The following SPATA17 variants were observed in gnomAD, a reference collection of about 807,000 sequenced individuals.
SPATA17 encodes the protein spermatogenesis-associated protein 17.
SPATA17 carries 53 observed loss-of-function variants against 62.2 expected under a neutral mutation model. The ratio of observed to expected loss-of-function variants is 0.85; its 90% confidence interval spans 0.68 to 1.07. The LOEUF (loss-of-function observed/expected upper bound fraction) is 1.07, where lower values mean the gene tolerates loss of function less well. SPATA17 is among the 50% of genes least tolerant of loss of function. The pLI is 0.00. For synonymous variants in SPATA17, 146 were observed against 146.8 expected (o/e 0.99, Z 0.04); for missense variants, 466 against 425.5 (o/e 1.10, Z -0.84).
intron 9 of SPATA17, among the ~76,000 whole-genome samples, chr1:217,816,284 A>G (rs1674714968): frequency 6.6e-6 from 1 of 151,886 alleles, no homozygotes; most frequent in Non-Finnish European, 1.5e-5. Flanking sequence ...TTGGCTAAGC[A>G]TATTTCTAAT....
chr1:217,631,693 T>C (rs1469810251), intron 1 of SPATA17, among the ~76,000 whole-genome samples: 5 of 152,076 alleles, frequency 3.3e-5, no homozygotes, highest in African/African-American at 1.2e-4. Flanking sequence ...TAGATAAAAT[T>C]GTAAAGTGCT....
At chr1:217,783,370 G>C (rs1031051041) in intron 8 of SPATA17, among the ~76,000 whole-genome samples, 2 of 151,824 alleles carry the variant, frequency 1.3e-5, no homozygotes, top group Admixed American at 6.6e-5. Flanking sequence ...GGCATCTCAA[G>C]TAATTTTTAT....
chr1:217,850,367 C>T, intron 9 of SPATA17: 1 of 810,242 alleles, frequency 1.2e-6, no homozygotes, highest in East Asian at 2.8e-5. Flanking sequence ...AGTGTAATGC[C>T]ATCACTGAGC....
intron 9 of SPATA17, among the ~76,000 whole-genome samples, chr1:217,834,717 T>C (rs924756462): frequency 3.3e-5 from 5 of 152,126 alleles, no homozygotes; most frequent in Non-Finnish European, 7.4e-5. Flanking sequence ...GTAAGGTAAG[T>C]CTAGTTTATT....
chr1:217,761,784 G>A (rs1287896179), intron 6 of SPATA17, among the ~76,000 whole-genome samples: 2 of 152,148 alleles, frequency 1.3e-5, no homozygotes, highest in Non-Finnish European at 2.9e-5. Flanking sequence ...ATTGTTTAGT[G>A]AGGAAGATGT....
At chr1:217,721,895 C>CA (rs1479069604) in intron 5 of SPATA17, among the ~76,000 whole-genome samples, 2 of 152,130 alleles carry the variant, frequency 1.3e-5, no homozygotes, top group Non-Finnish European at 2.9e-5. Flanking sequence ...CTCAAACTAC[C>CA]AAACATTCCT....
intron 5 of SPATA17, among the ~76,000 whole-genome samples, chr1:217,715,764 TCA>T (rs1167577640): frequency 6.6e-6 from 1 of 152,200 alleles, no homozygotes; most frequent in African/African-American, 2.4e-5. Context: ...CTTAAAATTC[TCA>T]GTTTCGTTCT....
intron 6 of SPATA17, among the ~76,000 whole-genome samples, chr1:217,771,563 T>C (rs1673445573): frequency 6.6e-6 from 1 of 152,200 alleles, no homozygotes. Flanking sequence ...ATAGGGTATT[T>C]GCCTGCTCTA....
At position 217,770,978 on chromosome 1, in the gene SPATA17, A is replaced by AATTTT. The variant is rs1553251071; in HGVS notation, c.520-3356_520-3355insATTTT. Among the ~76,000 whole-genome samples the AATTTT allele has an allele frequency of 1.3e-3, 67 of 50,158 alleles. 6 individuals are homozygous for AATTTT. Among genetic ancestry groups the AATTTT allele is most frequent in the South Asian group, 3.0e-3 (3 of 1,002 alleles). The allele number at this position is 50,158 out of a possible 152,430, so 32.9% of individuals were successfully genotyped here. A position where few individuals can be genotyped will look rare whatever the true frequency, so the allele number is the denominator to read the frequency against. ...ATGTATCTATTATATAACTCATTGC[A>AATTTT]TTTTTTTTTTTTTTTTTTTTTTTTT... On this transcript the variant is annotated intron_variant, in intron 6 of 10. Coordinates refer to ENST00000366933, the MANE Select transcript of SPATA17 (RefSeq NM_138796.4).
intron 5 of SPATA17, among the ~76,000 whole-genome samples, chr1:217,710,582 A>G (rs1558575356): frequency 6.6e-6 from 1 of 152,168 alleles, no homozygotes; most frequent in Admixed American, 6.5e-5. Flanking sequence ...GTTTGGCTAG[A>G]AAGATTTTTA....
At chr1:217,680,398 C>G (rs1199277905) in intron 4 of SPATA17, among the ~76,000 whole-genome samples, 1 of 152,090 alleles carries the variant, frequency 6.6e-6, no homozygotes, top group Non-Finnish European at 1.5e-5. Context: ...TATACATATT[C>G]CAATTGATTC....
chr1:217,823,010 TTA>T (rs1674904677), intron 9 of SPATA17, among the ~76,000 whole-genome samples: 1 of 151,980 alleles, frequency 6.6e-6, no homozygotes, highest in South Asian at 2.1e-4. Context: ...CTTCTTTTTG[TTA>T]TGTTTCAATT....
chr1:217,745,054 C>G (rs971361221), intron 6 of SPATA17, among the ~76,000 whole-genome samples: 1 of 152,040 alleles, frequency 6.6e-6, no homozygotes, highest in African/African-American at 2.4e-5. Context: ...CCTTTCTTGG[C>G]TTTCCTTTAG....
intron 5 of SPATA17, among the ~76,000 whole-genome samples, chr1:217,687,690 C>T (rs576206954): frequency 7.2e-5 from 11 of 152,224 alleles, no homozygotes; most frequent in African/African-American, 2.6e-4. Flanking sequence ...TGTAAATACA[C>T]TCTATGATGT....
chr1:217,749,442 G>T (rs1362492478), intron 6 of SPATA17, among the ~76,000 whole-genome samples: 1 of 151,682 alleles, frequency 6.6e-6, no homozygotes. Flanking sequence ...ACTTTTTTTG[G>T]GCTTTTTTTT....
intron 4 of SPATA17, among the ~76,000 whole-genome samples, chr1:217,680,488 G>A (rs998713182): frequency 6.6e-6 from 1 of 152,074 alleles, no homozygotes; most frequent in African/African-American, 2.4e-5. Context: ...TAAAATTAGG[G>A]AGAGTTTCTA....
At chr1:217,768,788 G>C (rs113049686) in intron 6 of SPATA17, among the ~76,000 whole-genome samples, 1 of 151,934 alleles carries the variant, frequency 6.6e-6, no homozygotes. Flanking sequence ...CACCGTGCCC[G>C]GTCAGCTCTA....
chr1:217,726,717 GT>G lies in SPATA17; in HGVS notation c.396-15248del, dbSNP rs111327823. On this transcript the variant is annotated intron_variant, in intron 5 of 10. Coordinates refer to ENST00000366933, the MANE Select transcript of SPATA17 (RefSeq NM_138796.4). ...CCCTTGTTTTCCCATATTTTTGTGT[GT>G]TTTTTTTTTCATTTTGGCTGCTTTT... is the stretch of plus-strand genomic sequence containing the variant. 3.9e-4 allele frequency among the ~76,000 whole-genome samples: 57 copies of G among 146,350 alleles called. 1 individual carries two copies. The East Asian group carries it at 7.7e-3, about 20-fold the overall frequency.
chr1:217,663,601 A>G (rs930734684), intron 3 of SPATA17, among the ~76,000 whole-genome samples: 3 of 152,182 alleles, frequency 2.0e-5, no homozygotes, highest in Non-Finnish European at 4.4e-5. Context: ...CCTAATATGG[A>G]AAATAACAAA....
Sources: gnomAD v4.1 joint callset for allele counts (sites outside exome capture counted in the v4.1 genomes callset) on GRCh38, gnomAD v4.1.1 for gene constraint, MANE v1.5 for transcripts, NCBI Gene and HGNC (gene_info 2026-07-23, HGNC 2026-07-21) for gene names.